The following CFAP99 variants were observed in gnomAD, a reference collection of about 807,000 sequenced individuals.
CFAP99 encodes cilia- and flagella-associated protein 99.
In CFAP99, 84 loss-of-function variants were observed where a neutral mutation model predicts 82.7. The ratio of observed to expected loss-of-function variants is 1.02; its 90% CI spans 0.85 to 1.22. The LOEUF is 1.22. Ranked by LOEUF, CFAP99 falls within the 50% of genes most tolerant of loss-of-function variation. CFAP99 has a pLI of 0.00. For missense variants in CFAP99, 1,059 were observed against 983.5 expected (o/e 1.08, Z -1.03); for synonymous variants, 456 against 429.5 (o/e 1.06, Z -0.76).
chr4:2,438,590 G>A (rs1286310460), intron 4 of CFAP99, among the ~76,000 whole-genome samples: 1 of 152,040 alleles, frequency 6.6e-6, no homozygotes, highest in Non-Finnish European at 1.5e-5. Flanking sequence ...AAGAAACTCT[G>A]GTGGTTTTCT....
At chr4:2,437,142 G>A in intron 3 of CFAP99, 124 bp downstream of exon 3, 1 of 1,207,330 alleles carries the variant, frequency 8.3e-7, no homozygotes, top group Non-Finnish European at 1.1e-6. Context: ...CCCTTGCACT[G>A]GAGGCTTCCC....
At chr4:2,453,605 C>G (rs1225131989) in intron 11 of CFAP99, among the ~76,000 whole-genome samples, 2 of 152,202 alleles carry the variant, frequency 1.3e-5, no homozygotes, top group African/African-American at 4.8e-5. Flanking sequence ...TTCTGATTTG[C>G]ATCTCATTTA....
intron 11 of CFAP99, among the ~76,000 whole-genome samples, chr4:2,458,200 G>T (rs535286204): frequency 1.3e-5 from 2 of 152,304 alleles, no homozygotes; most frequent in South Asian, 4.1e-4. Context: ...TGACTGAGAC[G>T]GGAATCTTGG....
chr4:2,445,426 G>A (rs541315731), intron 6 of CFAP99, 118 bp downstream of exon 6: 29 of 928,154 alleles, frequency 3.1e-5, no homozygotes, highest in African/African-American at 1.5e-4. Context: ...AGGGTGCACT[G>A]GACCAGACCA....
chr4:2,422,300 C>G (rs1474960371), intron 1 of CFAP99, among the ~76,000 whole-genome samples: 1 of 152,188 alleles, frequency 6.6e-6, no homozygotes, highest in Non-Finnish European at 1.5e-5. Context: ...TCAGGCCGGA[C>G]AGTGAACCAG....
chr4:2,428,953 C>T (rs1459412491), intron 2 of CFAP99: 1 of 152,310 alleles, frequency 6.6e-6, no homozygotes, highest in African/African-American at 2.4e-5. Context: ...TCCGGGCATC[C>T]CCAGTTCAGC....
chr4:2,425,629 C>A (rs985834031), intron 1 of CFAP99, among the ~76,000 whole-genome samples: 1 of 152,192 alleles, frequency 6.6e-6, no homozygotes, highest in Non-Finnish European at 1.5e-5. Context: ...CTCTGCCCAG[C>A]GCTGCCCTAC....
intron 7 of CFAP99, 87 bp from the exon 8 acceptor site, chr4:2,449,847 G>A: frequency 6.5e-7 from 1 of 1,529,326 alleles, no homozygotes; most frequent in Non-Finnish European, 8.8e-7. Flanking sequence ...GCAAGAGGGG[G>A]AGGCTGGGTG....
Position 2,458,869 on chromosome 4 carries a change from T to G in CFAP99, c.1303+5T>G. On this transcript the variant is annotated splice_donor_5th_base_variant and intron_variant, in intron 12 of 14. Coordinates refer to ENST00000635017, the Ensembl canonical transcript of CFAP99. The stretch of plus-strand genomic sequence containing the variant: ...CGAAGGGCCGACAGCAGACAGGTAG[T>G]CAGGAGCCAGATGTCACTGGCCCTA... 1 of 1,533,334 alleles carries G rather than the reference T, an allele frequency of 6.5e-7. No homozygotes were observed. Among genetic ancestry groups the G allele is most frequent in the Non-Finnish European group, 8.7e-7 (1 of 1,145,636 alleles). 95.0% of individuals were successfully genotyped at this position (1,533,334 alleles called of 1,614,324 possible). A position where few individuals can be genotyped will look rare whatever the true frequency, so the allele number is the denominator to read the frequency against.
At position 2,458,792 on chromosome 4, in the gene CFAP99, G is replaced by T. The variant is rs112712721; in HGVS notation, c.1231G>T (p.Glu411Ter). The change falls in exon 12 of 15, where the codon GAG becomes TAG. Residue 411 changes from glutamate to a stop codon, truncating the protein, a stop_gained. Transcript: ENST00000635017. LOFTEE classifies it high-confidence loss of function. ...GGACAGGTCCAGGAAGGAGCTGGTGGAGCAGGTGATAGAGGGGCAGAAGAA... is the reference window on the plus strand; with the variant it reads ...GGACAGGTCCAGGAAGGAGCTGGTGTAGCAGGTGATAGAGGGGCAGAAGAA... 1.3e-6 allele frequency: 2 copies of T among 1,535,846 alleles called. No homozygotes were observed. The highest frequency in any genetic ancestry group is 8.7e-7 in the Non-Finnish European group (1 of 1,146,882).
chr4:2,431,362 C>G (rs1733797756), intron 2 of CFAP99, among the ~76,000 whole-genome samples: 2 of 117,008 alleles, frequency 1.7e-5, no homozygotes, highest in African/African-American at 6.3e-5. Context: ...GAGCAAGACT[C>G]TGTCTCAAAA....
At chr4:2,454,581 C>CTTTTTTTTTTTTTTTTTTTTT (rs200727697) in intron 11 of CFAP99, among the ~76,000 whole-genome samples, 6 of 94,712 alleles carry the variant, frequency 6.3e-5, no homozygotes, top group Admixed American at 1.1e-4. Flanking sequence ...TGTTTTTTTT[C>CTTTTTTTTTTTTTTTTTTTTT]TTTTTTTTTT....
At chr4:2,445,902 G>T (rs533657618) in intron 6 of CFAP99, among the ~76,000 whole-genome samples, 5 of 152,314 alleles carry the variant, frequency 3.3e-5, no homozygotes, top group African/African-American at 1.2e-4. Flanking sequence ...GACACCTGGG[G>T]CCAAGTATTC....
chr4:2,422,444 G>A (rs1057323248), intron 1 of CFAP99, among the ~76,000 whole-genome samples: 6 of 152,124 alleles, frequency 3.9e-5, no homozygotes, highest in African/African-American at 7.2e-5. Flanking sequence ...CCCTGGATTG[G>A]GGGGCGGGCT....
chr4:2,439,067 C>T (rs943889975), intron 4 of CFAP99, among the ~76,000 whole-genome samples: 5 of 152,200 alleles, frequency 3.3e-5, no homozygotes, highest in African/African-American at 1.2e-4. Flanking sequence ...GGCCTCTGGA[C>T]CGAAATGTTT....
intron 1 of CFAP99, among the ~76,000 whole-genome samples, chr4:2,422,447 G>GGC (rs1375254923): frequency 6.6e-6 from 1 of 152,144 alleles, no homozygotes; most frequent in African/African-American, 2.4e-5. Context: ...TGGATTGGGG[G>GGC]GCGGGCTTGG....
At chr4:2,442,125 A>G (rs558956961) in intron 4 of CFAP99, among the ~76,000 whole-genome samples, 38 of 152,256 alleles carry the variant, frequency 2.5e-4, no homozygotes, top group African/African-American at 8.4e-4. Flanking sequence ...GGAGCACCCC[A>G]GCTGAGACGC....
At chr4:2,453,924 C>T (rs1771672577) in intron 11 of CFAP99, among the ~76,000 whole-genome samples, 1 of 151,188 alleles carries the variant, frequency 6.6e-6, no homozygotes, top group African/African-American at 2.4e-5. Flanking sequence ...AGTGATTCTC[C>T]TGCCTCAGTC....
chr4:2,434,881 T>G (rs1270151645), intron 2 of CFAP99, among the ~76,000 whole-genome samples: 1 of 152,200 alleles, frequency 6.6e-6, no homozygotes, highest in Non-Finnish European at 1.5e-5. Context: ...GGAATGGCCC[T>G]ATTTGCAGAG....
Sources: gnomAD v4.1 joint callset for allele counts (sites outside exome capture counted in the v4.1 genomes callset) on GRCh38, gnomAD v4.1.1 for gene constraint, MANE v1.5 for transcripts, NCBI Gene and HGNC (gene_info 2026-07-23, HGNC 2026-07-21) for gene names.